Variants in CSMD1 observed in about 807,000 individuals in gnomAD.
CSMD1 encodes the protein CUB and sushi domain-containing protein 1.
CSMD1 carries 213 observed loss-of-function variants against 417.5 expected under a neutral mutation model. The ratio of observed to expected loss-of-function variants is 0.51; its 90% CI spans 0.46 to 0.57. The LOEUF (loss-of-function observed/expected upper bound fraction) is 0.57, where lower values mean the gene tolerates loss of function less well. Among genes scored for constraint, CSMD1 ranks in the 20% least tolerant of loss-of-function variants. The pLI, the probability that CSMD1 is intolerant of heterozygous loss-of-function variation, is 0.00. For missense variants in CSMD1, 6,923 were observed against 4,529.7 expected, an observed-to-expected ratio of 1.53 and a Z score of -15.17; for synonymous variants, 2,862 against 1,736.8, an observed-to-expected ratio of 1.65 and a Z score of -16.11.
chr8:4,675,603 T>A (rs1334784199), intron 1 of CSMD1, among the ~76,000 whole-genome samples: 1 of 152,070 alleles, frequency 6.6e-6, no homozygotes, highest in African/African-American at 2.4e-5. Context: ...GCAGCAGTGA[T>A]TACAATGAGG....
chr8:2,984,877 A>G (rs780360971), intron 54 of CSMD1, among the ~76,000 whole-genome samples: 2 of 152,258 alleles, frequency 1.3e-5, no homozygotes, highest in African/African-American at 4.8e-5. Context: ...TTATGCACGT[A>G]TTTAATCCAA....
rs1815340717 is a variant in CSMD1, at chr8:3,997,897, A to T, written c.818+6T>A. The T allele has an allele frequency of 3.1e-6, 5 of 1,609,928 alleles. No homozygotes were observed. The African/African-American group carries it at 6.7e-5, about 22-fold the overall frequency. ...ATCCTTTGTGGCATCTCTTCCCGGG[A>T]CTTACCATATGGATGGAGCTTCCGT... On this transcript the variant is annotated splice_donor_region_variant and intron_variant, in intron 5 of 69. Coordinates refer to ENST00000635120, the MANE Select transcript of CSMD1 (RefSeq NM_033225.6).
intron 1 of CSMD1, among the ~76,000 whole-genome samples, chr8:4,903,399 G>A (rs555377023): frequency 2.6e-5 from 4 of 152,210 alleles, no homozygotes; most frequent in African/African-American, 7.2e-5. Flanking sequence ...TCTTTAAAAC[G>A]AAGTCCAAGC....
intron 10 of CSMD1, among the ~76,000 whole-genome samples, chr8:3,546,725 T>C (rs1349836174): frequency 1.3e-5 from 2 of 152,150 alleles, no homozygotes. Flanking sequence ...TTACTGAAGA[T>C]AAAAGGAGCT....
Position 3,198,127 on chromosome 8 carries a change from G to A in CSMD1, c.5194+1587C>T, listed in dbSNP as rs147140934. On this transcript the variant is annotated intron_variant, in intron 33 of 69. Transcript: ENST00000635120. ...GATGAAAACGTATTACTTTAAATAA[G>A]CATAATTTTTAAAATACATGCCTAC... 2.9e-3 allele frequency among the ~76,000 whole-genome samples: 447 copies of A among 152,188 alleles called. 6 individuals are homozygous for A. Among genetic ancestry groups the A allele is most frequent in the African/African-American group, 0.01 (426 of 41,546 alleles).
chr8:3,383,907 C>T (rs1049841934), intron 18 of CSMD1, among the ~76,000 whole-genome samples: 1 of 152,148 alleles, frequency 6.6e-6, no homozygotes, highest in Non-Finnish European at 1.5e-5. Context: ...CAGCGAAACA[C>T]AGCTAACTGC....
At chr8:3,496,777 G>A (rs1367958974) in intron 10 of CSMD1, among the ~76,000 whole-genome samples, 1 of 152,022 alleles carries the variant, frequency 6.6e-6, no homozygotes, top group Admixed American at 6.6e-5. Context: ...AGTGACCTGA[G>A]ATCACCACCG....
At chr8:4,331,279 G>C (rs553486060) in intron 3 of CSMD1, among the ~76,000 whole-genome samples, 2 of 152,086 alleles carry the variant, frequency 1.3e-5, no homozygotes. Context: ...GTGACACAAG[G>C]TGCTGAATGG....
chr8:4,365,081 C>T (rs1027206008), intron 3 of CSMD1, among the ~76,000 whole-genome samples: 7 of 152,036 alleles, frequency 4.6e-5, no homozygotes, highest in Non-Finnish European at 7.4e-5. Flanking sequence ...GTTGTAATGG[C>T]AAGTTTACAA....
intron 7 of CSMD1, among the ~76,000 whole-genome samples, chr8:3,691,437 A>C (rs985046528): frequency 6.6e-6 from 1 of 152,178 alleles, no homozygotes; most frequent in South Asian, 2.1e-4. Context: ...AATGAAGAGA[A>C]GATTGGCGCT....
intron 12 of CSMD1, among the ~76,000 whole-genome samples, chr8:3,413,458 T>C (rs1041202543): frequency 2.0e-5 from 3 of 152,218 alleles, no homozygotes; most frequent in Non-Finnish European, 4.4e-5. Context: ...AGAACCTGTG[T>C]TGGACAAGTC....
chr8:3,626,124 G>A (rs2117223620), intron 7 of CSMD1, among the ~76,000 whole-genome samples: 2 of 152,296 alleles, frequency 1.3e-5, no homozygotes, highest in African/African-American at 2.4e-5. Flanking sequence ...GCTCTGAGAT[G>A]TTCACCGGAA....
chr8:3,071,977 C>T (rs144555436), intron 49 of CSMD1, among the ~76,000 whole-genome samples: 10 of 152,286 alleles, frequency 6.6e-5, no homozygotes, highest in South Asian at 2.1e-4. Flanking sequence ...AAAAGAAATG[C>T]GCATGTATAA....
chr8:4,051,042 C>T (rs73658555), intron 3 of CSMD1, among the ~76,000 whole-genome samples: 5,784 of 152,064 alleles, frequency 0.038, 349 homozygotes, highest in African/African-American at 0.12. Context: ...AACATGATGC[C>T]TGAAATCCTC....
At chr8:3,665,756 T>TG (rs1798656882) in intron 7 of CSMD1, among the ~76,000 whole-genome samples, 1 of 150,064 alleles carries the variant, frequency 6.7e-6, no homozygotes, top group Non-Finnish European at 1.5e-5. Context: ...AGGAAGGTGT[T>TG]TATCCAAGGC....
intron 5 of CSMD1, among the ~76,000 whole-genome samples, chr8:3,930,849 CTTAATAG>C (rs1810090253): frequency 6.6e-6 from 1 of 150,562 alleles, no homozygotes; most frequent in Admixed American, 6.6e-5. Flanking sequence ...TAATAGATAT[CTTAATAG>C]TTAACTTACA....
intron 1 of CSMD1, among the ~76,000 whole-genome samples, chr8:4,911,721 C>T (rs1805683668): frequency 6.6e-6 from 1 of 152,094 alleles, no homozygotes; most frequent in African/African-American, 2.4e-5. Context: ...ACTGAATCAA[C>T]TCTAGCAAGG....
intron 31 of CSMD1, among the ~76,000 whole-genome samples, chr8:3,203,945 C>A (rs1159952561): frequency 6.6e-6 from 1 of 152,200 alleles, no homozygotes; most frequent in Non-Finnish European, 1.5e-5. Context: ...TCACCCCTCA[C>A]CATAAGCCTG....
rs141033201 is a variant in CSMD1, at chr8:4,747,560, G to A, written c.86-110002C>T. On this transcript the variant is annotated intron_variant, in intron 1 of 69. Coordinates refer to ENST00000635120, the MANE Select transcript of CSMD1 (RefSeq NM_033225.6). The stretch of plus-strand genomic sequence containing the variant: ...TTGTCTTAATTTATGATCCTCCTAC[G>A]GTGACTATATTGTCACCTGCTAAAT... 8.4e-3 allele frequency among the ~76,000 whole-genome samples: 1,272 copies of A among 152,144 alleles called. 24 individuals carry two copies. The highest frequency in any genetic ancestry group is 0.029 in the African/African-American group (1,207 of 41,506).
Sources: gnomAD v4.1 joint callset for allele counts (sites outside exome capture counted in the v4.1 genomes callset) on GRCh38, gnomAD v4.1.1 for gene constraint, MANE v1.5 for transcripts, NCBI Gene and HGNC (gene_info 2026-07-23, HGNC 2026-07-21) for gene names.